The following MARF1 variants were observed in gnomAD, a reference collection of about 807,000 sequenced individuals.
The protein encoded by MARF1 is meiosis regulator and mRNA stability factor 1.
Under a neutral mutation model 168.2 loss-of-function variants are expected in MARF1, and 24 were observed. The observed-to-expected ratio is 0.14, with a 90% CI of 0.10 to 0.20. The LOEUF is 0.20. Among genes scored for constraint, MARF1 ranks in the 10% least tolerant of loss-of-function variants. The probability of loss-of-function intolerance (pLI) is 1.00; values close to 1 mark genes in which losing one functional copy is unlikely to be tolerated. For missense variants in MARF1, 1,744 were observed against 2,143.6 expected, an observed-to-expected ratio of 0.81 and a Z score of 3.68; for synonymous variants, 868 against 822.4, an observed-to-expected ratio of 1.06 and a Z score of -0.95.
intron 13 of MARF1, among the ~76,000 whole-genome samples, chr16:15,619,356 C>T (rs2034288660): frequency 6.6e-6 from 1 of 152,240 alleles, no homozygotes; most frequent in South Asian, 2.1e-4. Context: ...ATTTCTGTAA[C>T]ATCGAGTTCT....
rs1333863474 is a variant in MARF1 at position 15,621,751 on chromosome 16, T to C, written c.2621A>G (p.Lys874Arg). ...TTCTTACCTCAGTAAAGAGAGTGAT[T>C]TGCTGGCAGCCCCGGTGGCAAGTGA... is the stretch of plus-strand genomic sequence containing the variant. ...LVSLATGAAS[K>R]SLSLLSAETM... Residue 874 changes from lysine (K) to arginine (R), a missense_variant, in exon 12 of 27, where the codon AAA becomes AGA. Physicochemically the swap from Lys to Arg is conservative, Grantham distance 26. Transcript: ENST00000396368. 1.9e-6 allele frequency: 3 copies of C among 1,614,146 alleles called. No individual in the cohort carries two copies. Among genetic ancestry groups the C allele is most frequent in the Non-Finnish European group, 2.5e-6 (3 of 1,179,998 alleles).
chr16:15,636,404 A>G (rs1283534306), intron 2 of MARF1, 62 bp from the exon 3 acceptor site: 10 of 1,216,002 alleles, frequency 8.2e-6, no homozygotes, highest in Admixed American at 2.4e-5. Flanking sequence ...TTGGTTACTC[A>G]TATCTTACTG....
At chr16:15,616,932 C>T in intron 15 of MARF1, 120 bp downstream of exon 15, 2 of 1,384,966 alleles carry the variant, frequency 1.4e-6, no homozygotes, top group Non-Finnish European at 2.0e-6. Context: ...GAAGGCTAAA[C>T]ACATGAGGAT....
At chr16:15,604,482 T>A in intron 21 of MARF1, 84 bp from the exon 22 acceptor site, 1 of 865,380 alleles carries the variant, frequency 1.2e-6, no homozygotes, top group Non-Finnish European at 1.9e-6. Context: ...TCATTTTGGT[T>A]AATGAGACCA....
At position 15,601,996 on chromosome 16, in the gene MARF1, G is replaced by A; in HGVS notation, c.4621C>T (p.Pro1541Ser). Residue 1541 changes from proline (P) to serine (S), a missense_variant, in exon 23 of 27, where the codon CCA (proline) becomes TCA (serine). Physicochemically the swap from Pro to Ser is moderately conservative, Grantham distance 74 (BLOSUM62 -1). Transcript: ENST00000396368. Reference protein sequence around the residue: ...SSVEELLGAIPQVVWIKGHGH... With the variant: ...SSVEELLGAISQVVWIKGHGH... ...AAGCTGAGAAAAATGCCCACCTGTGGAATTGCTCCCAAGAGCTCCTCCACG... is the reference window on the plus strand; with the variant it reads ...AAGCTGAGAAAAATGCCCACCTGTGAAATTGCTCCCAAGAGCTCCTCCACG... 6.2e-7 allele frequency: 1 copy of A among 1,613,860 alleles called. No individual in the cohort carries two copies. Among genetic ancestry groups the A allele is most frequent in the Non-Finnish European group, 8.5e-7 (1 of 1,179,766 alleles).
chr16:15,608,539 AGG>A (rs1424601738), intron 20 of MARF1, 21 bp from the exon 21 acceptor site: 1 of 1,555,924 alleles, frequency 6.4e-7, no homozygotes, highest in Admixed American at 1.7e-5. Context: ...ACACGGGGGG[AGG>A]AAAGGGAAAA....
chr16:15,622,536 C>T (rs973036002), intron 11 of MARF1, among the ~76,000 whole-genome samples: 2 of 152,104 alleles, frequency 1.3e-5, no homozygotes, highest in Admixed American at 6.6e-5. Context: ...GGACTACAGG[C>T]GTGCACCACC....
At chr16:15,636,774 C>T (rs2035625067) in intron 2 of MARF1, among the ~76,000 whole-genome samples, 1 of 152,146 alleles carries the variant, frequency 6.6e-6, no homozygotes, top group Non-Finnish European at 1.5e-5. Flanking sequence ...CTTAATAGTT[C>T]TGTGGTCAGG....
intron 2 of MARF1, among the ~76,000 whole-genome samples, chr16:15,638,478 G>A (rs775427136): frequency 2.0e-5 from 3 of 151,822 alleles, no homozygotes; most frequent in Non-Finnish European, 4.4e-5. Context: ...CCCAGCTACT[G>A]AGGAGGCTGA....
chr16:15,599,775 A>G (rs754119597), intron 25 of MARF1, among the ~76,000 whole-genome samples: 4 of 152,210 alleles, frequency 2.6e-5, no homozygotes, highest in Non-Finnish European at 5.9e-5. Context: ...ATGCATTAGT[A>G]TATCAAATCC....
At chr16:15,622,454 T>A (rs1018402739) in intron 11 of MARF1, among the ~76,000 whole-genome samples, 3 of 151,624 alleles carry the variant, frequency 2.0e-5, no homozygotes, top group African/African-American at 7.3e-5. Context: ...AGCAGTGGCG[T>A]CATCTCAGCT....
intron 7 of MARF1, among the ~76,000 whole-genome samples, chr16:15,627,021 AAGAG>A (rs61380767): frequency 1.3e-3 from 201 of 150,024 alleles, no homozygotes; most frequent in Admixed American, 2.7e-3. Context: ...AAAGAAAGAA[AAGAG>A]AGAGAGAGAG....
At position 15,602,053 on chromosome 16, in the gene MARF1, T is replaced by C; in HGVS notation, c.4564A>G (p.Thr1522Ala). 1 of 1,614,074 alleles carries C rather than the reference T, an allele frequency of 6.2e-7. No homozygotes were observed. The highest frequency in any genetic ancestry group is 8.5e-7 in the Non-Finnish European group (1 of 1,180,006). ...SMAYTKYVGE[T>A]LQPKTYGHSS... ...TGGCCGTAGGTCTTGGGCTGCAGAG[T>C]TTCTCCGACATACTTGGTATAGGCC... Residue 1522 changes from threonine (T) to alanine (A), a missense_variant, in exon 23 of 27, where the codon ACT becomes GCT. By Grantham distance (58) the Thr-to-Ala change is moderately conservative (BLOSUM62 0). This residue lies in a region of MARF1 where 313 missense variants were observed against 337.4 expected (regional missense o/e 0.93). Transcript: ENST00000396368.
intron 15 of MARF1, 95 bp from the exon 16 acceptor site, chr16:15,616,100 G>C: frequency 9.5e-7 from 1 of 1,048,818 alleles, no homozygotes; most frequent in Non-Finnish European, 1.3e-6. Context: ...TTTAATGTAT[G>C]TGTTAATCAT....
intron 11 of MARF1, among the ~76,000 whole-genome samples, chr16:15,622,541 A>C (rs1435546705): frequency 2.6e-5 from 4 of 152,082 alleles, no homozygotes; most frequent in Non-Finnish European, 5.9e-5. Context: ...ACAGGCGTGC[A>C]CCACCACGCC....
intron 7 of MARF1, among the ~76,000 whole-genome samples, chr16:15,629,846 A>T (rs146411500): frequency 1.3e-5 from 2 of 152,324 alleles, no homozygotes; most frequent in East Asian, 3.9e-4. Context: ...GTGTCCATGC[A>T]CCACAGGGAA....
At chr16:15,597,026 T>G (rs2031782134) in intron 26 of MARF1, 89 bp from the exon 27 acceptor site, 1 of 1,382,914 alleles carries the variant, frequency 7.2e-7, no homozygotes, top group Non-Finnish European at 9.7e-7. Context: ...TCTCAAAAGA[T>G]AATAATAGTA....
intron 7 of MARF1, among the ~76,000 whole-genome samples, chr16:15,627,205 T>C (rs1473719768): frequency 4.0e-5 from 6 of 151,786 alleles, no homozygotes; most frequent in African/African-American, 7.3e-5. Context: ...TTTTTAAAAA[T>C]TGCCAGGCAT....
intron 19 of MARF1, among the ~76,000 whole-genome samples, 162 bp from the exon 20 acceptor site, chr16:15,609,887 C>T (rs1347946720): frequency 6.6e-6 from 1 of 152,164 alleles, no homozygotes; most frequent in African/African-American, 2.4e-5. Flanking sequence ...TCCCTCTTTG[C>T]AAGTGGTTCT....
Sources: allele counts gnomAD v4.1 joint callset (sites outside exome capture counted in the v4.1 genomes callset), GRCh38; gene constraint gnomAD v4.1.1; regional missense constraint gnomAD v4.1.1; transcripts MANE v1.5; gene names NCBI Gene and HGNC (gene_info 2026-07-23, HGNC 2026-07-21).